Variants in CSMD1 observed in about 807,000 individuals in gnomAD.
CSMD1 encodes the protein CUB and sushi domain-containing protein 1.
In CSMD1, 213 loss-of-function variants were observed where a neutral mutation model predicts 417.5. The ratio of observed to expected loss-of-function variants is 0.51; its 90% CI spans 0.46 to 0.57. The LOEUF (loss-of-function observed/expected upper bound fraction) is 0.57, where lower values mean the gene tolerates loss of function less well. CSMD1 is among the 20% of genes least tolerant of loss of function. The pLI is 0.00. For missense variants in CSMD1, 6,923 were observed against 4,529.7 expected (o/e 1.53, Z -15.17); for synonymous variants, 2,862 against 1,736.8 (o/e 1.65, Z -16.11).
intron 1 of CSMD1, among the ~76,000 whole-genome samples, chr8:4,817,132 T>C (rs1333945076): frequency 6.6e-6 from 1 of 152,202 alleles, no homozygotes; most frequent in Middle Eastern, 3.2e-3. Flanking sequence ...TATAAATACA[T>C]ATCATAATAT....
intron 3 of CSMD1, among the ~76,000 whole-genome samples, chr8:4,326,093 G>A (rs188456795): frequency 1.3e-5 from 2 of 152,198 alleles, no homozygotes; most frequent in Non-Finnish European, 2.9e-5. Context: ...CCAGAACGGA[G>A]TGGTAAATCA....
chr8:3,535,838 A>G lies in CSMD1; in HGVS notation c.1344+39107T>C, dbSNP rs575975939. ...AGTTTCCTCTCCCACCAGTTTTTGTATATGAAGTGTGGTATTTGGCCCTGT... is the reference window on the plus strand; with the variant it reads ...AGTTTCCTCTCCCACCAGTTTTTGTGTATGAAGTGTGGTATTTGGCCCTGT... On this transcript the variant is annotated intron_variant, in intron 10 of 69. Coordinates refer to ENST00000635120, the MANE Select transcript of CSMD1 (RefSeq NM_033225.6). 5.9e-5 allele frequency among the ~76,000 whole-genome samples: 9 copies of G among 152,244 alleles called. No individual in the cohort carries two copies. The South Asian group carries it at 6.2e-4, about 11-fold the overall frequency.
At chr8:4,062,731 A>G (rs561595588) in intron 3 of CSMD1, among the ~76,000 whole-genome samples, 2 of 151,664 alleles carry the variant, frequency 1.3e-5, no homozygotes, top group South Asian at 4.2e-4. Flanking sequence ...GCATTATCAA[A>G]TTCAAAAAAA....
At chr8:4,220,600 C>G (rs889383506) in intron 3 of CSMD1, among the ~76,000 whole-genome samples, 1 of 152,078 alleles carries the variant, frequency 6.6e-6, no homozygotes, top group Admixed American at 6.6e-5. Context: ...TGATAAGGGT[C>G]CATGTGAGAG....
intron 2 of CSMD1, among the ~76,000 whole-genome samples, chr8:4,489,691 G>C (rs1385769938): frequency 6.6e-6 from 1 of 152,156 alleles, no homozygotes. Context: ...GATCTGGCAG[G>C]TGAGATTGCA....
In CSMD1 at chr8:4,733,067, C is replaced by G. The variant is rs189105101; in HGVS notation, c.86-95509G>C. Among the ~76,000 whole-genome samples the G allele has an allele frequency of 5.4e-3, 828 of 151,948 alleles. 7 individuals carry two copies. The highest frequency in any genetic ancestry group is 0.018 in the African/African-American group (767 of 41,466). ...AATGAAAAATAACTAGAAAAAAGAC[C>G]GAGGTTGGTATTTAAAATGCTGATA... On this transcript the variant is annotated intron_variant, in intron 1 of 69. Coordinates refer to ENST00000635120, the MANE Select transcript of CSMD1 (RefSeq NM_033225.6).
chr8:4,120,176 T>A (rs981820580), intron 3 of CSMD1, among the ~76,000 whole-genome samples: 1 of 152,156 alleles, frequency 6.6e-6, no homozygotes, highest in Non-Finnish European at 1.5e-5. Flanking sequence ...CCCATAAATA[T>A]ATACACCTAT....
At chr8:3,425,309 G>A (rs140121117) in intron 12 of CSMD1, among the ~76,000 whole-genome samples, 5,275 of 152,260 alleles carry the variant, frequency 0.035, 122 homozygotes, top group Non-Finnish European at 0.052. Context: ...CCCTGTCCCA[G>A]CTGGGCAAGG....
intron 3 of CSMD1, among the ~76,000 whole-genome samples, chr8:4,286,302 C>T (rs534974880): frequency 6.6e-6 from 1 of 152,176 alleles, no homozygotes; most frequent in South Asian, 2.1e-4. Context: ...TCCTCAGGGG[C>T]CGTTGTTCTT....
rs571997179 is a variant in CSMD1 at position 3,729,978 on chromosome 8, G to T, written c.932-21487C>A. ...AAAAAAAAACAAAAACAGAAGAACG[G>T]ATACATAATAATGTTTCAAAAAGTT... On this transcript the variant is annotated intron_variant, in intron 6 of 69. Transcript: ENST00000635120. Among the ~76,000 whole-genome samples, 6 of 92,722 alleles carry T rather than the reference G, an allele frequency of 6.5e-5. 2 individuals carry two copies. Among genetic ancestry groups the T allele is most frequent in the East Asian group, 6.8e-4 (2 of 2,926 alleles). 60.8% of individuals were successfully genotyped at this position (92,722 alleles called of 152,430 possible).
chr8:4,175,100 T>G (rs10113741), intron 3 of CSMD1, among the ~76,000 whole-genome samples: 45,578 of 151,716 alleles, frequency 0.3, 7,363 homozygotes, highest in South Asian at 0.42. Flanking sequence ...ATAGACAAAT[T>G]TCTGCCAAGA....
chr8:3,444,922 C>G (rs541547540), intron 12 of CSMD1, among the ~76,000 whole-genome samples: 1 of 152,262 alleles, frequency 6.6e-6, no homozygotes, highest in East Asian at 1.9e-4. Context: ...ACGTCAGTCA[C>G]CCCGTCTCCT....
At chr8:3,080,575 A>G (rs972639594) in intron 49 of CSMD1, among the ~76,000 whole-genome samples, 2 of 152,220 alleles carry the variant, frequency 1.3e-5, no homozygotes, top group Admixed American at 1.3e-4. Flanking sequence ...CGAGCCATCA[A>G]GGGGTCTTGG....
At chr8:4,850,005 G>A (rs370408432) in intron 1 of CSMD1, among the ~76,000 whole-genome samples, 2 of 152,068 alleles carry the variant, frequency 1.3e-5, no homozygotes, top group South Asian at 2.1e-4. Context: ...GCAGACATGC[G>A]GGTTCTAATT....
chr8:4,503,709 G>C (rs1309921155), intron 2 of CSMD1, among the ~76,000 whole-genome samples: 1 of 152,104 alleles, frequency 6.6e-6, no homozygotes, highest in Non-Finnish European at 1.5e-5. Flanking sequence ...GAACAAGTGG[G>C]AGCTGGAAAT....
At chr8:4,384,249 T>A (rs1803293911) in intron 3 of CSMD1, among the ~76,000 whole-genome samples, 1 of 125,266 alleles carries the variant, frequency 8.0e-6, no homozygotes, top group Non-Finnish European at 1.5e-5. Flanking sequence ...AATTACAGAC[T>A]TTTTTTTTTG....
At chr8:3,468,567 G>C (rs1364538213) in intron 12 of CSMD1, 145 bp downstream of exon 12, 4 of 576,254 alleles carry the variant, frequency 6.9e-6, no homozygotes, top group African/African-American at 3.8e-5. Context: ...AGTGTTAGTA[G>C]ACTTTAAGGA....
intron 5 of CSMD1, among the ~76,000 whole-genome samples, chr8:3,914,378 C>T (rs191416189): frequency 1.6e-4 from 24 of 151,892 alleles, no homozygotes; most frequent in African/African-American, 5.5e-4. Context: ...GATGTAAAAA[C>T]ATACGGGTAC....
intron 39 of CSMD1, 41 bp downstream of exon 39, chr8:3,157,856 G>C (rs889576063): frequency 2.9e-5 from 43 of 1,477,828 alleles, no homozygotes; most frequent in Non-Finnish European, 3.8e-5. Flanking sequence ...GTTCTTCCCA[G>C]TGTGTGCGCA....
Sources: allele counts gnomAD v4.1 joint callset (sites outside exome capture counted in the v4.1 genomes callset), GRCh38; gene constraint gnomAD v4.1.1; transcripts MANE v1.5; gene names NCBI Gene and HGNC (gene_info 2026-07-23, HGNC 2026-07-21).